The following CSMD2 variants were observed in gnomAD, a reference collection of about 807,000 sequenced individuals.
The protein encoded by CSMD2 is CUB and Sushi multiple domains 2, also known as CUB and sushi domain-containing protein 2.
Under a neutral mutation model 398.5 loss-of-function variants are expected in CSMD2, and 130 were observed. That is an observed-to-expected ratio of 0.33 (90% CI 0.28 to 0.38). The LOEUF is 0.38. Ranked by LOEUF, CSMD2 falls within the 10% of genes least tolerant of loss-of-function variation. CSMD2 has a pLI of 1.00. For synonymous variants in CSMD2, 1,828 were observed against 1,908.5 expected, an observed-to-expected ratio of 0.96 and a Z score of 1.10; for missense variants, 3,829 against 4,764.9, an observed-to-expected ratio of 0.80 and a Z score of 5.78.
At chr1:33,551,334 T>G (rs1294151725) in intron 55 of CSMD2, among the ~76,000 whole-genome samples, 1 of 152,014 alleles carries the variant, frequency 6.6e-6, no homozygotes, top group African/African-American at 2.4e-5. Context: ...GCCACTGGAG[T>G]TATATGATCG....
intron 12 of CSMD2, among the ~76,000 whole-genome samples, chr1:33,787,989 T>C (rs1247423232): frequency 6.6e-6 from 1 of 152,156 alleles, no homozygotes; most frequent in Non-Finnish European, 1.5e-5. Context: ...TTGTCCTCTC[T>C]AAAGATTTTA....
At position 33,635,692 on chromosome 1, in the gene CSMD2, A is replaced by G. The variant is rs1355183039; in HGVS notation, c.4970-362T>C. ...GAAATGATCTGCTGCCCTGGCTGAC[A>G]TCTAACCTGGACAGTGAGTGTCAGT... On this transcript the variant is annotated intron_variant, in intron 30 of 70. Coordinates refer to ENST00000373381, the MANE Select transcript of CSMD2 (RefSeq NM_001281956.2). The surrounding 1 kb of genome is among the most constrained non-coding windows in gnomAD (Gnocchi z 5.0). 6.6e-6 allele frequency among the ~76,000 whole-genome samples: 1 copy of G among 152,164 alleles called. No homozygotes were observed. Among genetic ancestry groups the G allele is most frequent in the Non-Finnish European group, 1.5e-5 (1 of 68,010 alleles).
intron 68 of CSMD2, 46 bp downstream of exon 68, chr1:33,521,417 T>TC: frequency 2.8e-6 from 3 of 1,082,960 alleles, no homozygotes; most frequent in Non-Finnish European, 4.3e-6. Flanking sequence ...ACGGTTTCTC[T>TC]CCCACCCACC....
chr1:33,600,505 C>T, intron 44 of CSMD2: 1 of 505,664 alleles, frequency 2.0e-6, no homozygotes, highest in East Asian at 3.4e-5. Flanking sequence ...GCCCTAGATC[C>T]CTTTGGAGAA....
intron 6 of CSMD2, among the ~76,000 whole-genome samples, chr1:33,828,247 G>C (rs1015266): frequency 6.6e-6 from 1 of 152,110 alleles, no homozygotes; most frequent in African/African-American, 2.4e-5. Flanking sequence ...GGCATTAGTA[G>C]GGAAACATAC....
intron 55 of CSMD2, among the ~76,000 whole-genome samples, chr1:33,553,043 G>T (rs1390003586): frequency 1.3e-5 from 2 of 152,134 alleles, no homozygotes; most frequent in Non-Finnish European, 2.9e-5. Flanking sequence ...TTTTTACATA[G>T]AGAGCAGTTA....
At position 33,537,567 on chromosome 1, in the gene CSMD2, C is replaced by T; in HGVS notation, c.9674G>A (p.Arg3225Lys). ...GDPGVPSRGR[R>K]EDRGFSYRSS... ...CCTGTAGGAGAAGCCTCGGTCCTCT[C>T]TCCTCCCACGGGACGGGACACCAGG... Residue 3225 changes from arginine (R) to lysine (K), a missense_variant, in exon 61 of 71, where the codon AGA (arginine) becomes AAA (lysine). By Grantham distance (26) the Arg-to-Lys change is conservative (BLOSUM62 2). Coordinates refer to ENST00000373381, the MANE Select transcript of CSMD2 (RefSeq NM_001281956.2). This position sits in a 1 kb window ranked among gnomAD's most constrained non-coding sequence, Gnocchi z 4.6. 6.2e-7 allele frequency: 1 copy of T among 1,614,140 alleles called. No individual in the cohort carries two copies. The highest frequency in any genetic ancestry group is 1.7e-5 in the Admixed American group (1 of 60,030).
Position 33,557,787 on chromosome 1 carries a change from A to G in CSMD2, c.8690T>C (p.Val2897Ala). 5 of 1,536,094 alleles carry G rather than the reference A, an allele frequency of 3.3e-6. No homozygotes were observed. The highest frequency in any genetic ancestry group is 4.4e-6 in the Non-Finnish European group (5 of 1,146,902). ...NHGFYLLGTPVLSCQGDGTWD... is the reference protein window; with the variant it reads ...NHGFYLLGTPALSCQGDGTWD... ...TGTGCCATCTCCCTGGCAGCTGAGC[A>G]CTGGGGTGCCCAGGAGGTAGAAGCC... Residue 2897 changes from valine (V) to alanine (A), a missense_variant, in exon 55 of 71, where the codon GTG becomes GCG. This residue lies in a region of CSMD2 where 917 missense variants were observed against 1,199.5 expected (regional missense o/e 0.76). Transcript: ENST00000373381.
At chr1:33,575,705 T>G (rs1570788862) in intron 49 of CSMD2, among the ~76,000 whole-genome samples, 1 of 152,184 alleles carries the variant, frequency 6.6e-6, no homozygotes, top group East Asian at 1.9e-4. Flanking sequence ...AGACTTGTCC[T>G]TGTTAATGCA....
chr1:33,672,953 C>T (rs989377147), intron 25 of CSMD2, among the ~76,000 whole-genome samples: 1 of 152,140 alleles, frequency 6.6e-6, no homozygotes, highest in Non-Finnish European at 1.5e-5. Flanking sequence ...ACACCAAAAC[C>T]CCATCTGTAC....
chr1:33,816,294 T>G (rs904674270), intron 9 of CSMD2, among the ~76,000 whole-genome samples: 3 of 152,234 alleles, frequency 2.0e-5, no homozygotes, highest in African/African-American at 4.8e-5. Flanking sequence ...GAGTTTCATC[T>G]GGGCCTGGTA....
chr1:33,567,774 G>C lies in CSMD2; in HGVS notation c.8199C>G (p.Leu2733=). The C allele has an allele frequency of 6.2e-7, 1 of 1,613,750 alleles. No homozygotes were observed. Among genetic ancestry groups the C allele is most frequent in the Non-Finnish European group, 8.5e-7 (1 of 1,179,866 alleles). ...LLFDVLSSPS[L]TKAGHCGTPE... ...GAGTCCCACAGTGTCCAGCTTTGGT[G>C]AGGGATGGGGAAGAGAGTACATCGA... The change falls in exon 53 of 71, where the codon CTC becomes CTG. Residue 2733 remains leucine (L), a synonymous_variant. Coordinates refer to ENST00000373381, the MANE Select transcript of CSMD2 (RefSeq NM_001281956.2).
intron 3 of CSMD2, among the ~76,000 whole-genome samples, chr1:33,954,804 G>A (rs557919878): frequency 1.1e-4 from 17 of 152,238 alleles, no homozygotes; most frequent in Non-Finnish European, 2.1e-4. Context: ...CCAGGGGCTG[G>A]GGGAGAGGGA....
intron 68 of CSMD2, among the ~76,000 whole-genome samples, chr1:33,521,025 T>A (rs1416525708): frequency 1.3e-5 from 2 of 152,152 alleles, no homozygotes; most frequent in Non-Finnish European, 2.9e-5. Flanking sequence ...AGTTTTCTTA[T>A]CTGTAAAATG....
intron 22 of CSMD2, among the ~76,000 whole-genome samples, chr1:33,706,751 C>A (rs982217879): frequency 2.6e-5 from 4 of 152,058 alleles, no homozygotes; most frequent in Non-Finnish European, 5.9e-5. Context: ...GCATTTCCTA[C>A]CCTGGTGCTA....
At chr1:33,556,222 G>A (rs1452070145) in intron 55 of CSMD2, among the ~76,000 whole-genome samples, 1 of 152,174 alleles carries the variant, frequency 6.6e-6, no homozygotes, top group Non-Finnish European at 1.5e-5. Flanking sequence ...ACTAGGGGCT[G>A]TGACTCTCAG....
intron 24 of CSMD2, among the ~76,000 whole-genome samples, chr1:33,696,836 C>G (rs1275881793): frequency 2.6e-5 from 4 of 152,168 alleles, no homozygotes; most frequent in Admixed American, 6.5e-5. Flanking sequence ...CTTCTTCCCA[C>G]CCTTGAGTCT....
chr1:33,594,789 T>G (rs928013332), intron 44 of CSMD2, among the ~76,000 whole-genome samples: 2 of 152,246 alleles, frequency 1.3e-5, no homozygotes, highest in African/African-American at 4.8e-5. Flanking sequence ...CTTGTGATGA[T>G]GAAAATTACG....
intron 1 of CSMD2, among the ~76,000 whole-genome samples, chr1:34,145,997 C>T (rs943439460): frequency 1.3e-5 from 2 of 152,198 alleles, no homozygotes; most frequent in South Asian, 2.1e-4. Context: ...AGGTGGAAAG[C>T]TCCATTCAGC....
Sources: allele counts gnomAD v4.1 joint callset (sites outside exome capture counted in the v4.1 genomes callset), GRCh38; gene constraint gnomAD v4.1.1; regional missense constraint gnomAD v4.1.1; non-coding constraint Gnocchi (gnomAD v3.1); transcripts MANE v1.5; gene names NCBI Gene and HGNC (gene_info 2026-07-23, HGNC 2026-07-21).